The following CDH4 variants were observed in gnomAD, a reference collection of about 807,000 sequenced individuals.
CDH4 encodes the protein cadherin 4.
In CDH4, 33 loss-of-function variants were observed where a neutral mutation model predicts 86.0. The observed-to-expected ratio is 0.38, with a 90% confidence interval of 0.29 to 0.51. The LOEUF is 0.51. Ranked by LOEUF, CDH4 falls within the 20% of genes least tolerant of loss-of-function variation. The probability of loss-of-function intolerance (pLI) is 0.86; values close to 1 mark genes in which losing one functional copy is unlikely to be tolerated. For missense variants in CDH4, 1,114 were observed against 1,307.4 expected (o/e 0.85, Z 2.28); for synonymous variants, 555 against 549.4 (o/e 1.01, Z -0.14).
chr20:61,463,493 C>G (rs1277596968), intron 2 of CDH4, among the ~76,000 whole-genome samples: 2 of 152,204 alleles, frequency 1.3e-5, no homozygotes, highest in Non-Finnish European at 2.9e-5. Context: ...GACTCAGAAT[C>G]CTGGGAATCA....
At chr20:61,640,735 T>C (rs79304486) in intron 2 of CDH4, among the ~76,000 whole-genome samples, 1 of 152,186 alleles carries the variant, frequency 6.6e-6, no homozygotes, top group African/African-American at 2.4e-5. Context: ...TTCCTACTGA[T>C]GGAAAATTCT....
At chr20:61,654,706 A>G (rs1292540170) in intron 2 of CDH4, among the ~76,000 whole-genome samples, 2 of 152,386 alleles carry the variant, frequency 1.3e-5, no homozygotes, top group Non-Finnish European at 2.9e-5. Context: ...TAAGTTAATC[A>G]AAGCAGGATA....
chr20:61,569,541 T>C (rs1214323682), intron 2 of CDH4, among the ~76,000 whole-genome samples: 1 of 152,210 alleles, frequency 6.6e-6, no homozygotes, highest in Non-Finnish European at 1.5e-5. Flanking sequence ...ATCACACCTG[T>C]TGCCCCTAGA....
intron 2 of CDH4, among the ~76,000 whole-genome samples, chr20:61,472,388 G>C (rs549213658): frequency 6.6e-6 from 1 of 152,102 alleles, no homozygotes; most frequent in African/African-American, 2.4e-5. Flanking sequence ...GACAAGTAAA[G>C]ACTTACTCCT....
chr20:61,905,792 A>G (rs1377365832), intron 8 of CDH4, among the ~76,000 whole-genome samples: 1 of 152,138 alleles, frequency 6.6e-6, no homozygotes, highest in African/African-American at 2.4e-5. Context: ...GGATATCTGG[A>G]AAATAAGGAA....
At chr20:61,706,942 G>T (rs931422719) in intron 2 of CDH4, among the ~76,000 whole-genome samples, 3 of 152,232 alleles carry the variant, frequency 2.0e-5, no homozygotes, top group African/African-American at 7.2e-5. Context: ...GGGGGCCCTG[G>T]TCTTTAGAAG....
chr20:61,912,700 G>A (rs1180833846), intron 9 of CDH4, among the ~76,000 whole-genome samples: 2 of 152,214 alleles, frequency 1.3e-5, no homozygotes, highest in East Asian at 3.9e-4. Flanking sequence ...TCTTAGAGAA[G>A]AGGCAAAATA....
At chr20:61,763,521 C>T (rs2088662845) in intron 3 of CDH4, among the ~76,000 whole-genome samples, 1 of 152,240 alleles carries the variant, frequency 6.6e-6, no homozygotes, top group African/African-American at 2.4e-5. Context: ...TGCAGAGAGC[C>T]TCATGCAATG....
In CDH4 at chr20:61,898,621, G is replaced by T. The variant is rs567540059; in HGVS notation, c.1188+3574G>T. ...CCATCCACACACATGCTCACGGAGGGGGGGTCCCCTGGAGTCAGGAAGCCC... is the reference window on the plus strand; with the variant it reads ...CCATCCACACACATGCTCACGGAGGTGGGGTCCCCTGGAGTCAGGAAGCCC... On this transcript the variant is annotated intron_variant, in intron 8 of 15. Transcript: ENST00000614565. Among the ~76,000 whole-genome samples the T allele has an allele frequency of 3.9e-5, 6 of 152,308 alleles. No individual in the cohort carries two copies. In the South Asian group the frequency reaches 1.0e-3, roughly 26 times the overall value.
At chr20:61,345,085 C>T (rs2084670793) in intron 2 of CDH4, among the ~76,000 whole-genome samples, 1 of 152,170 alleles carries the variant, frequency 6.6e-6, no homozygotes, top group Non-Finnish European at 1.5e-5. Flanking sequence ...GTTTGGATTC[C>T]TAGCTGTCTC....
intron 2 of CDH4, among the ~76,000 whole-genome samples, chr20:61,726,268 C>T (rs2088110059): frequency 6.6e-6 from 1 of 152,124 alleles, no homozygotes; most frequent in African/African-American, 2.4e-5. Context: ...GGCACCAGCA[C>T]AGGCCAGGTG....
intron 2 of CDH4, among the ~76,000 whole-genome samples, chr20:61,602,720 A>G (rs1001956552): frequency 6.8e-6 from 1 of 147,588 alleles, no homozygotes; most frequent in African/African-American, 2.5e-5. Flanking sequence ...AAAAAAAAAA[A>G]CTTGAGCACC....
intron 7 of CDH4, among the ~76,000 whole-genome samples, chr20:61,878,392 GT>G (rs774905111): frequency 3.9e-5 from 6 of 152,250 alleles, no homozygotes; most frequent in African/African-American, 9.6e-5. Flanking sequence ...CAGAGACAGT[GT>G]TGGGCGCCCT....
intron 9 of CDH4, among the ~76,000 whole-genome samples, chr20:61,923,017 C>G (rs1222695956): frequency 6.6e-6 from 1 of 152,250 alleles, no homozygotes; most frequent in Non-Finnish European, 1.5e-5. Context: ...GTGGACATGT[C>G]TTTTGGGGGC....
intron 2 of CDH4, among the ~76,000 whole-genome samples, chr20:61,739,413 C>A (rs1452981895): frequency 6.6e-6 from 1 of 152,234 alleles, no homozygotes; most frequent in Non-Finnish European, 1.5e-5. Context: ...AGCACACTCA[C>A]CAGTCCTGGG....
chr20:61,722,400 C>T (rs1321054442), intron 2 of CDH4, among the ~76,000 whole-genome samples: 1 of 152,180 alleles, frequency 6.6e-6, no homozygotes, highest in Non-Finnish European at 1.5e-5. Context: ...GCCCACTCAT[C>T]CTTCCAGAAG....
intron 6 of CDH4, among the ~76,000 whole-genome samples, chr20:61,857,366 G>A (rs1051142467): frequency 3.3e-5 from 5 of 152,350 alleles, no homozygotes; most frequent in African/African-American, 7.2e-5. Flanking sequence ...TGGGTGACCC[G>A]CAGACCCGTA....
chr20:61,886,305 C>A (rs978949292), intron 7 of CDH4, among the ~76,000 whole-genome samples: 1 of 152,214 alleles, frequency 6.6e-6, no homozygotes. Context: ...ACTCAGGAAG[C>A]TTTGATGCCT....
Position 61,428,103 on chromosome 20 carries a change from G to A in CDH4, c.169+173166G>A, listed in dbSNP as rs559356084. Among the ~76,000 whole-genome samples, 37 of 152,308 alleles carry A rather than the reference G, an allele frequency of 2.4e-4. No homozygotes were observed. In the South Asian group the frequency reaches 7.3e-3, roughly 30 times the overall value. On this transcript the variant is annotated intron_variant, in intron 2 of 15. Coordinates refer to ENST00000614565, the MANE Select transcript of CDH4 (RefSeq NM_001794.5). ...AGACAGAGACCCCCAGCAGGAAGCAGCTGCTGAAAAGTGGGGCCAGGTAGG... is the reference window on the plus strand; with the variant it reads ...AGACAGAGACCCCCAGCAGGAAGCAACTGCTGAAAAGTGGGGCCAGGTAGG...
Sources: allele counts gnomAD v4.1 joint callset (sites outside exome capture counted in the v4.1 genomes callset), GRCh38; gene constraint gnomAD v4.1.1; transcripts MANE v1.5; gene names NCBI Gene and HGNC (gene_info 2026-07-23, HGNC 2026-07-21).